ZNF423: variants seen among roughly 807,000 people sequenced by gnomAD.
The protein encoded by ZNF423 is zinc finger protein 423, also known as Ebf-associated zinc finger protein.
A neutral mutation model predicts 95.8 loss-of-function variants in ZNF423; 12 were observed. The observed-to-expected ratio is 0.13, with a 90% confidence interval of 0.08 to 0.20. ZNF423 has a LOEUF of 0.20. Ranked by LOEUF, ZNF423 falls within the 10% of genes least tolerant of loss-of-function variation. The probability of loss-of-function intolerance (pLI) is 1.00; values close to 1 mark genes in which losing one functional copy is unlikely to be tolerated. For missense variants in ZNF423, 1,316 were observed against 1,737.1 expected, an observed-to-expected ratio of 0.76 and a Z score of 4.31; for synonymous variants, 749 against 711.9, an observed-to-expected ratio of 1.05 and a Z score of -0.83.
Position 49,815,632 on chromosome 16 carries a change from C to T in ZNF423, c.41-26086G>A, listed in dbSNP as rs570229044. On this transcript the variant is annotated intron_variant, in intron 1 of 7. Coordinates refer to ENST00000563137, the MANE Select transcript of ZNF423 (RefSeq NM_001379286.1). ...TTTCAATCCTCGGAGTACTGGCAACCTTGAGGCCTTCAGGGCCAGCCAGGT... is the reference window on the plus strand; with the variant it reads ...TTTCAATCCTCGGAGTACTGGCAACTTTGAGGCCTTCAGGGCCAGCCAGGT... Among the ~76,000 whole-genome samples, 3 of 152,010 alleles carry T rather than the reference C, an allele frequency of 2.0e-5. No individual in the cohort carries two copies. The South Asian group carries it at 6.2e-4, about 32-fold the overall frequency.
At chr16:49,715,369 A>T (rs1288090443) in intron 3 of ZNF423, among the ~76,000 whole-genome samples, 4 of 152,116 alleles carry the variant, frequency 2.6e-5, no homozygotes, top group Non-Finnish European at 5.9e-5. Flanking sequence ...TCCACGTGAA[A>T]AGCTGAAAGA....
chr16:49,647,288 G>C (rs1055499394), intron 3 of ZNF423, among the ~76,000 whole-genome samples: 2 of 152,244 alleles, frequency 1.3e-5, no homozygotes, highest in African/African-American at 4.8e-5. Context: ...AATGAATGTT[G>C]CTGGCCTCTT....
In ZNF423 at chr16:49,564,372, G is replaced by A. The variant is rs1015922747; in HGVS notation, c.3602-38878C>T. Among the ~76,000 whole-genome samples, 5 of 152,294 alleles carry A rather than the reference G, an allele frequency of 3.3e-5. No homozygotes were observed. The South Asian group carries it at 8.3e-4, about 25-fold the overall frequency. On this transcript the variant is annotated intron_variant, in intron 5 of 7. Coordinates refer to ENST00000563137, the MANE Select transcript of ZNF423 (RefSeq NM_001379286.1). Reference sequence around the variant, plus strand: ...CTTTTGGCATGCTGGCTAAGGATGGGGGTGTGCTAGATATGCTCTCAAGTA... The same window carrying A: ...CTTTTGGCATGCTGGCTAAGGATGGAGGTGTGCTAGATATGCTCTCAAGTA...
chr16:49,682,794 T>TC (rs2031416646), intron 3 of ZNF423, among the ~76,000 whole-genome samples: 1 of 152,202 alleles, frequency 6.6e-6, no homozygotes, highest in South Asian at 2.1e-4. Context: ...GGGAACGATG[T>TC]CCAAAGAACT....
At chr16:49,840,424 C>A (rs2035170803) in intron 1 of ZNF423, among the ~76,000 whole-genome samples, 1 of 152,204 alleles carries the variant, frequency 6.6e-6, no homozygotes, top group South Asian at 2.1e-4. Flanking sequence ...CAACTTTACA[C>A]ATGGCCAGCT....
intron 1 of ZNF423, among the ~76,000 whole-genome samples, chr16:49,807,557 G>A (rs990641435): frequency 2.6e-5 from 4 of 152,142 alleles, no homozygotes; most frequent in East Asian, 1.9e-4. Context: ...AATACTTCAC[G>A]GCTTAAGGAG....
intron 5 of ZNF423, among the ~76,000 whole-genome samples, chr16:49,590,579 G>A (rs1970982859): frequency 6.6e-6 from 1 of 152,196 alleles, no homozygotes; most frequent in Non-Finnish European, 1.5e-5. Context: ...CAGGGCACCA[G>A]GGTGACTTAG....
chr16:49,750,540 G>T (rs888721267), intron 2 of ZNF423, among the ~76,000 whole-genome samples: 3 of 152,144 alleles, frequency 2.0e-5, no homozygotes, highest in Non-Finnish European at 4.4e-5. Context: ...TCAGCCAGAC[G>T]CTCCTCTCCA....
chr16:49,787,247 C>T (rs146122142), intron 2 of ZNF423, among the ~76,000 whole-genome samples: 33 of 152,050 alleles, frequency 2.2e-4, no homozygotes, highest in Non-Finnish European at 4.3e-4. Flanking sequence ...TCCAATAGAA[C>T]TGGGAAGGAA....
At chr16:49,771,664 T>G (rs755910308) in intron 2 of ZNF423, among the ~76,000 whole-genome samples, 1 of 152,240 alleles carries the variant, frequency 6.6e-6, no homozygotes, top group Non-Finnish European at 1.5e-5. Flanking sequence ...CCCCTTTGCT[T>G]GGCTCTCATT....
upstream of ZNF423, among the ~76,000 whole-genome samples, chr16:49,858,308 G>A (rs1435169570): frequency 2.0e-5 from 3 of 150,624 alleles, no homozygotes; most frequent in Non-Finnish European, 4.4e-5. The surrounding 1 kb of genome is among the most constrained non-coding windows in gnomAD (Gnocchi z 4.3). Context: ...AGCCGGGCCC[G>A]GCCCCGCTCA....
At chr16:49,650,037 G>C (rs1973340774) in intron 3 of ZNF423, among the ~76,000 whole-genome samples, 1 of 152,146 alleles carries the variant, frequency 6.6e-6, no homozygotes, top group Admixed American at 6.5e-5. Context: ...CTTCGGTTTG[G>C]GAGAAAAAAG....
At chr16:49,664,630 G>T (rs1219806031) in intron 3 of ZNF423, among the ~76,000 whole-genome samples, 2 of 151,322 alleles carry the variant, frequency 1.3e-5, no homozygotes, top group Non-Finnish European at 3.0e-5. Flanking sequence ...CTGTCTGCCA[G>T]GACAGGGTGG....
chr16:49,838,413 G>A (rs2048603005), intron 1 of ZNF423, among the ~76,000 whole-genome samples: 1 of 152,222 alleles, frequency 6.6e-6, no homozygotes, highest in South Asian at 2.1e-4. Flanking sequence ...ATGAATCAAC[G>A]AGTGTTAAGT....
chr16:49,627,757 A>T (rs1285404283), intron 4 of ZNF423, among the ~76,000 whole-genome samples: 1 of 135,494 alleles, frequency 7.4e-6, no homozygotes, highest in East Asian at 2.3e-4. Context: ...CATCTACATA[A>T]ACACCCACCC....
At chr16:49,611,816 A>T (rs1379898171) in intron 5 of ZNF423, among the ~76,000 whole-genome samples, 11 of 151,988 alleles carry the variant, frequency 7.2e-5, no homozygotes, top group Non-Finnish European at 1.5e-4. Flanking sequence ...CACTACAGAC[A>T]CTACAGACAT....
intron 3 of ZNF423, among the ~76,000 whole-genome samples, chr16:49,639,375 G>A (rs1357432896): frequency 3.3e-5 from 5 of 152,184 alleles, no homozygotes; most frequent in Non-Finnish European, 7.3e-5. Flanking sequence ...CAACAAAAAT[G>A]CCCTTATCAG....
At chr16:49,518,751 G>A (rs1184782498) in intron 7 of ZNF423, 1 of 327,712 alleles carries the variant, frequency 3.1e-6, no homozygotes, top group Non-Finnish European at 5.8e-6. Flanking sequence ...TTTGTCATGT[G>A]ACATTTGAGA....
chr16:49,815,906 ATATATATATTTTTT>A (rs2034843618), intron 1 of ZNF423, among the ~76,000 whole-genome samples: 1 of 42,698 alleles, frequency 2.3e-5, no homozygotes, highest in Non-Finnish European at 4.3e-5. Context: ...ATATATATAT[ATATATATATTTTTT>A]TTTTTTTTTT....
Sources: allele counts gnomAD v4.1 joint callset (sites outside exome capture counted in the v4.1 genomes callset), GRCh38; gene constraint gnomAD v4.1.1; non-coding constraint Gnocchi (gnomAD v3.1); transcripts MANE v1.5; gene names NCBI Gene and HGNC (gene_info 2026-07-23, HGNC 2026-07-21).